The following PAK5 variants were observed in gnomAD, a reference collection of about 807,000 sequenced individuals.
PAK5 encodes serine/threonine-protein kinase PAK 5.
A neutral mutation model predicts 65.9 loss-of-function variants in PAK5; 16 were observed. That is an observed-to-expected ratio of 0.24 (90% CI 0.16 to 0.37). The LOEUF is 0.37. PAK5 is among the 10% of genes least tolerant of loss of function. The pLI is 1.00. For synonymous variants in PAK5, 371 were observed against 354.9 expected (o/e 1.05, Z -0.51); for missense variants, 785 against 903.9 (o/e 0.87, Z 1.69).
intron 7 of PAK5, among the ~76,000 whole-genome samples, chr20:9,552,992 G>T (rs938000412): frequency 7.2e-5 from 11 of 152,070 alleles, no homozygotes; most frequent in Admixed American, 4.6e-4. Flanking sequence ...CTCCCAAAGT[G>T]CTGAGATTAC....
chr20:9,641,507 C>A (rs1251128731), intron 3 of PAK5, among the ~76,000 whole-genome samples: 2 of 147,956 alleles, frequency 1.4e-5, no homozygotes, highest in African/African-American at 5.0e-5. Context: ...CCACCAGACT[C>A]AGGAGCCCAG....
chr20:9,580,388 G>A lies in PAK5; in HGVS notation c.747C>T (p.Ser249=). The change falls in exon 4 of 10, where the codon AGC becomes AGT. Residue 249 remains serine (S), a synonymous_variant. Coordinates refer to ENST00000353224, the MANE Select transcript of PAK5 (RefSeq NM_177990.4). ...CCCATTCACTTTCACTGTACGCCAG[G>A]CTCTCCTTGGAGCACCCGCTGGTCC... ...TAGTSGCSKE[S]LAYSESEWGP... is the part of the protein sequence containing the mutation. 1 of 1,613,978 alleles carries A rather than the reference G, an allele frequency of 6.2e-7. No individual in the cohort carries two copies. Among genetic ancestry groups the A allele is most frequent in the Non-Finnish European group, 8.5e-7 (1 of 1,179,954 alleles).
intron 2 of PAK5, among the ~76,000 whole-genome samples, chr20:9,679,058 A>G (rs2047614571): frequency 6.6e-6 from 1 of 152,054 alleles, no homozygotes; most frequent in Admixed American, 6.6e-5. Flanking sequence ...AGCAAGACCA[A>G]CCTCTCCTGT....
At chr20:9,669,660 C>A (rs373027369) in intron 2 of PAK5, among the ~76,000 whole-genome samples, 2 of 152,116 alleles carry the variant, frequency 1.3e-5, no homozygotes, top group Non-Finnish European at 2.9e-5. Context: ...TGGCCACAAG[C>A]TAATTCCAAT....
At chr20:9,562,412 G>A (rs750503815) in intron 6 of PAK5, among the ~76,000 whole-genome samples, 6 of 152,134 alleles carry the variant, frequency 3.9e-5, no homozygotes, top group Non-Finnish European at 5.9e-5. Context: ...ATTAACCATC[G>A]TTACTTGCAA....
chr20:9,838,829 G>T lies in PAK5; in HGVS notation c.-229C>A, dbSNP rs1053821348. The T allele has an allele frequency of 6.6e-6, 1 of 152,098 alleles. No homozygotes were observed. The highest frequency in any genetic ancestry group is 2.4e-5 in the African/African-American group (1 of 41,410). The allele number at this position is 152,098 out of a possible 1,614,324, so 9.4% of individuals were successfully genotyped here. On this transcript the variant is annotated 5_prime_UTR_variant, in exon 1 of 10. Coordinates refer to ENST00000353224, the MANE Select transcript of PAK5 (RefSeq NM_177990.4). The surrounding 1 kb of genome is among the most constrained non-coding windows in gnomAD (Gnocchi z 4.5). ...TCTCAGCTGCTACAGCGCTCCCAGC[G>T]CCATGTTCCCGGTCTCCCCGGGCGC... is the stretch of plus-strand genomic sequence containing the variant.
At chr20:9,579,262 C>T (rs2045938187) in intron 4 of PAK5, among the ~76,000 whole-genome samples, 1 of 152,206 alleles carries the variant, frequency 6.6e-6, no homozygotes, top group Non-Finnish European at 1.5e-5. Flanking sequence ...CCACATTCCA[C>T]ACCCTACGGT....
intron 2 of PAK5, among the ~76,000 whole-genome samples, chr20:9,689,340 C>G (rs1432547205): frequency 6.6e-6 from 1 of 152,192 alleles, no homozygotes; most frequent in Non-Finnish European, 1.5e-5. Flanking sequence ...GCCTAATTGT[C>G]TACTCAGCCA....
chr20:9,542,762 A>G (rs1408785782), intron 8 of PAK5, 42 bp from the exon 9 acceptor site: 1 of 1,591,874 alleles, frequency 6.3e-7, no homozygotes, highest in South Asian at 1.1e-5. Context: ...CAAGGAGAAC[A>G]TTCTGAAATG....
intron 2 of PAK5, among the ~76,000 whole-genome samples, chr20:9,701,812 A>G (rs1296808368): frequency 2.0e-5 from 3 of 152,026 alleles, no homozygotes; most frequent in Non-Finnish European, 4.4e-5. Flanking sequence ...CAGCCAGGGC[A>G]ACATAGCAAG....
At chr20:9,626,834 T>TG (rs1201714874) in intron 3 of PAK5, among the ~76,000 whole-genome samples, 1 of 152,202 alleles carries the variant, frequency 6.6e-6, no homozygotes, top group Non-Finnish European at 1.5e-5. Context: ...CAAGAAACTT[T>TG]GGTAACCCCT....
intron 1 of PAK5, among the ~76,000 whole-genome samples, chr20:9,791,002 T>C (rs6039582): frequency 0.017 from 2,533 of 152,232 alleles, 68 homozygotes; most frequent in African/African-American, 0.05. Flanking sequence ...CCTTCTCCTG[T>C]TTCTGCTCCT....
intron 2 of PAK5, among the ~76,000 whole-genome samples, chr20:9,673,813 CGCATGG>C (rs2047532916): frequency 6.6e-6 from 1 of 152,142 alleles, no homozygotes. Flanking sequence ...ACAATCCTAC[CGCATGG>C]AAGCCTAATT....
intron 1 of PAK5, among the ~76,000 whole-genome samples, chr20:9,808,444 G>T (rs928411137): frequency 1.3e-5 from 2 of 152,092 alleles, no homozygotes; most frequent in Non-Finnish European, 2.9e-5. Flanking sequence ...ACTTGTACAT[G>T]ACTGTTTATG....
chr20:9,688,109 C>T (rs1030355014), intron 2 of PAK5, among the ~76,000 whole-genome samples: 14 of 151,864 alleles, frequency 9.2e-5, no homozygotes, highest in Admixed American at 3.3e-4. Context: ...TTTGGGGAGA[C>T]GGAAATAGTC....
chr20:9,770,027 G>T (rs756585833), intron 1 of PAK5, among the ~76,000 whole-genome samples: 4 of 152,178 alleles, frequency 2.6e-5, no homozygotes, highest in Non-Finnish European at 5.9e-5. Context: ...AGCTGGAGAG[G>T]CCTAGAGTCA....
In PAK5 at chr20:9,619,302, A is replaced by G. The variant is rs184748209; in HGVS notation, c.204+24823T>C. Among the ~76,000 whole-genome samples, 10 of 152,324 alleles carry G rather than the reference A, an allele frequency of 6.6e-5. No homozygotes were observed. In the East Asian group the frequency reaches 1.9e-3, roughly 29 times the overall value. ...AAAGAAAGTTTGGAAGAAAAAAGCC[A>G]TGACTGCTTTTGATCTCAGGAAACT... On this transcript the variant is annotated intron_variant, in intron 3 of 9. Coordinates refer to ENST00000353224, the MANE Select transcript of PAK5 (RefSeq NM_177990.4).
At chr20:9,739,436 T>G (rs1037236254) in intron 1 of PAK5, among the ~76,000 whole-genome samples, 1 of 152,126 alleles carries the variant, frequency 6.6e-6, no homozygotes, top group Non-Finnish European at 1.5e-5. Context: ...TATACTGAAA[T>G]TGCTGGCTCT....
At chr20:9,565,851 T>C in intron 5 of PAK5, 42 bp downstream of exon 5, 2 of 1,552,242 alleles carry the variant, frequency 1.3e-6, no homozygotes, top group Non-Finnish European at 1.8e-6. Context: ...GGGAAATAAA[T>C]GTTACAAAGG....
Sources: gnomAD v4.1 joint callset for allele counts (sites outside exome capture counted in the v4.1 genomes callset) on GRCh38, gnomAD v4.1.1 for gene constraint, Gnocchi (gnomAD v3.1) non-coding constraint, MANE v1.5 for transcripts, NCBI Gene and HGNC (gene_info 2026-07-23, HGNC 2026-07-21) for gene names.